DTNB: variants seen among roughly 807,000 people sequenced by gnomAD.
DTNB encodes DTN-B.
DTNB carries 63 observed loss-of-function variants against 90.7 expected under a neutral mutation model. That is an observed-to-expected ratio of 0.69 (90% CI 0.57 to 0.86). The LOEUF (loss-of-function observed/expected upper bound fraction) is 0.86, where lower values mean the gene tolerates loss of function less well. DTNB is among the 40% of genes least tolerant of loss of function. DTNB has a pLI of 0.00. For synonymous variants in DTNB, 277 were observed against 286.7 expected, an observed-to-expected ratio of 0.97 and a Z score of 0.34; for missense variants, 744 against 807.1, an observed-to-expected ratio of 0.92 and a Z score of 0.95.
chr2:25,616,729 G>A (rs998975285), intron 4 of DTNB, among the ~76,000 whole-genome samples: 5 of 150,282 alleles, frequency 3.3e-5, no homozygotes, highest in Admixed American at 2.7e-4. Flanking sequence ...TCAAGAGATC[G>A]AGACCATCCT....
At chr2:25,383,141 C>T (rs1338823794) in intron 19 of DTNB, among the ~76,000 whole-genome samples, 1 of 151,532 alleles carries the variant, frequency 6.6e-6, no homozygotes, top group African/African-American at 2.4e-5. Flanking sequence ...CCTTATTATA[C>T]TTATATGCTG....
intron 9 of DTNB, among the ~76,000 whole-genome samples, chr2:25,504,333 AAGGAAGGAAGGAAGG>A (rs1266901410): frequency 6.7e-6 from 1 of 149,862 alleles, no homozygotes; most frequent in East Asian, 2.0e-4. Context: ...AGAAAGAAAG[AAGGAAGGAAGGAAGG>A]AGGAAGGAAG....
chr2:25,512,560 G>C (rs574022924), intron 9 of DTNB, among the ~76,000 whole-genome samples: 2 of 152,338 alleles, frequency 1.3e-5, no homozygotes, highest in South Asian at 4.1e-4. Context: ...CTTAAGGAAA[G>C]AGATAGCATT....
At position 25,386,098 on chromosome 2, in the gene DTNB, G is replaced by A. The variant is rs1395202192; in HGVS notation, c.1825+1191C>T. The A allele has an allele frequency of 5.1e-6, 5 of 985,394 alleles. No individual in the cohort carries two copies. The African/African-American group carries it at 8.7e-5, about 17-fold the overall frequency. The allele number at this position is 985,394 out of a possible 1,614,324, so 61.0% of individuals were successfully genotyped here. On this transcript the variant is annotated intron_variant, in intron 18 of 20. Coordinates refer to ENST00000406818, the MANE Select transcript of DTNB (RefSeq NM_021907.5). Reference sequence around the variant, plus strand: ...AGAGCGGGGCCGTGCTTCTGATGGGGGTTGAGAAACAGTGCTAGAATGGAG... The same window carrying A: ...AGAGCGGGGCCGTGCTTCTGATGGGAGTTGAGAAACAGTGCTAGAATGGAG...
At chr2:25,642,885 C>T (rs576581831) in intron 2 of DTNB, among the ~76,000 whole-genome samples, 13 of 152,212 alleles carry the variant, frequency 8.5e-5, no homozygotes, top group African/African-American at 3.1e-4. Context: ...TCCTGAGTAG[C>T]TGGGACTACA....
intron 16 of DTNB, among the ~76,000 whole-genome samples, chr2:25,402,754 G>C (rs2044072579): frequency 6.6e-6 from 1 of 152,190 alleles, no homozygotes; most frequent in East Asian, 1.9e-4. Flanking sequence ...ACAGGAAGCA[G>C]CTATTCTAGG....
At chr2:25,488,996 G>T (rs934806546) in intron 9 of DTNB, among the ~76,000 whole-genome samples, 1 of 152,156 alleles carries the variant, frequency 6.6e-6, no homozygotes, top group African/African-American at 2.4e-5. Flanking sequence ...GGTAGGAGAG[G>T]TTTGGGGACC....
In DTNB at chr2:25,455,511, C is replaced by T; in HGVS notation, c.1080-17G>A. 1.9e-6 allele frequency: 3 copies of T among 1,593,688 alleles called. No individual in the cohort carries two copies. In the East Asian group the frequency reaches 6.8e-5, roughly 36 times the overall value. On this transcript the variant is annotated splice_polypyrimidine_tract_variant and intron_variant, in intron 10 of 20. Coordinates refer to ENST00000406818, the MANE Select transcript of DTNB (RefSeq NM_021907.5). ...TACTGTAACCTAGGAACAATGGAGG[C>T]AAAGACAGCAAGCGTGACACAAACA... is the stretch of plus-strand genomic sequence containing the variant.
chr2:25,612,587 T>C (rs1265390480), intron 4 of DTNB, among the ~76,000 whole-genome samples: 4 of 151,766 alleles, frequency 2.6e-5, no homozygotes, highest in African/African-American at 9.7e-5. Flanking sequence ...AGAGCAGAAA[T>C]TAATGATGCT....
At chr2:25,422,612 G>A (rs1374015032) in intron 15 of DTNB, among the ~76,000 whole-genome samples, 1 of 151,802 alleles carries the variant, frequency 6.6e-6, no homozygotes. Context: ...CACCATATTG[G>A]CCAGGCTGGT....
At chr2:25,633,296 TGCCATTGCAGGCGC>T (rs2076174526) in intron 3 of DTNB, among the ~76,000 whole-genome samples, 2 of 143,470 alleles carry the variant, frequency 1.4e-5, no homozygotes, top group South Asian at 5.0e-4. Flanking sequence ...GCCCAGCGCC[TGCCATTGCAGGCGC>T]GCGCCGCCAC....
At chr2:25,473,448 T>A (rs531958779) in intron 10 of DTNB, among the ~76,000 whole-genome samples, 2 of 152,304 alleles carry the variant, frequency 1.3e-5, no homozygotes, top group South Asian at 2.1e-4. Context: ...CCCCAAAGCA[T>A]GTGTGTGTAA....
rs893299734 is a variant in DTNB, at chr2:25,573,917, C to A, written c.876+2921G>T. Among the ~76,000 whole-genome samples, 8 of 152,170 alleles carry A rather than the reference C, an allele frequency of 5.3e-5. No homozygotes were observed. The East Asian group carries it at 1.5e-3, about 29-fold the overall frequency. ...GGGTTGCTGGATATTCTTCTCCATC[C>A]ATCATTCAAGGACCCAGTTACCTTT... is the stretch of plus-strand genomic sequence containing the variant. On this transcript the variant is annotated intron_variant, in intron 8 of 20. Coordinates refer to ENST00000406818, the MANE Select transcript of DTNB (RefSeq NM_021907.5).
chr2:25,605,525 T>C lies in DTNB; in HGVS notation c.448+1711A>G, dbSNP rs77950133. On this transcript the variant is annotated intron_variant, in intron 5 of 20. Coordinates refer to ENST00000406818, the MANE Select transcript of DTNB (RefSeq NM_021907.5). ...TAACGCAGAACTGGAGTAATTTTAT[T>C]ATTCAATCAACAATTTACATTTGAC... Among the ~76,000 whole-genome samples, 39 of 152,380 alleles carry C rather than the reference T, an allele frequency of 2.6e-4. No homozygotes were observed. The East Asian group carries it at 7.1e-3, about 28-fold the overall frequency.
chr2:25,433,020 GA>G, intron 13 of DTNB, 21 bp from the exon 14 acceptor site: 1 of 1,580,708 alleles, frequency 6.3e-7, no homozygotes. Context: ...TGGGTGAACG[GA>G]AAGGGGCTGC....
At chr2:25,598,470 T>G (rs1460181388) in intron 5 of DTNB, among the ~76,000 whole-genome samples, 1 of 152,206 alleles carries the variant, frequency 6.6e-6, no homozygotes, top group Non-Finnish European at 1.5e-5. Flanking sequence ...CAACAAACTC[T>G]AACACTAAGC....
At chr2:25,564,495 C>G (rs2058717445) in intron 8 of DTNB, among the ~76,000 whole-genome samples, 1 of 152,132 alleles carries the variant, frequency 6.6e-6, no homozygotes, top group Non-Finnish European at 1.5e-5. Flanking sequence ...GTTCTCCTGC[C>G]TCAGCCTCCC....
intron 9 of DTNB, among the ~76,000 whole-genome samples, chr2:25,497,920 C>G (rs1166992093): frequency 1.3e-5 from 2 of 152,172 alleles, no homozygotes; most frequent in East Asian, 3.8e-4. Context: ...TGTTACTTAT[C>G]TGATTTCTCA....
At chr2:25,574,761 T>C (rs1440475782) in intron 8 of DTNB, among the ~76,000 whole-genome samples, 1 of 152,188 alleles carries the variant, frequency 6.6e-6, no homozygotes, top group Non-Finnish European at 1.5e-5. Flanking sequence ...CACACTAGCT[T>C]CAAAATTATG....
Sources: allele counts gnomAD v4.1 joint callset (sites outside exome capture counted in the v4.1 genomes callset), GRCh38; gene constraint gnomAD v4.1.1; transcripts MANE v1.5; gene names NCBI Gene and HGNC (gene_info 2026-07-23, HGNC 2026-07-21).